Variants in LYN observed in about 807,000 individuals in gnomAD.
LYN encodes LYN proto-oncogene, Src family tyrosine kinase.
In LYN, 12 loss-of-function variants were observed where a neutral mutation model predicts 65.0. That is an observed-to-expected ratio of 0.18 (90% CI 0.12 to 0.30). The LOEUF (loss-of-function observed/expected upper bound fraction) is 0.30. Among genes scored for constraint, LYN ranks in the 10% least tolerant of loss-of-function variants. The pLI is 1.00. For missense variants in LYN, 380 were observed against 623.2 expected, an observed-to-expected ratio of 0.61 and a Z score of 4.16; for synonymous variants, 222 against 221.2, an observed-to-expected ratio of 1.00 and a Z score of -0.03.
chr8:55,974,829 T>G (rs889488301), intron 10 of LYN, among the ~76,000 whole-genome samples: 6 of 152,166 alleles, frequency 3.9e-5, no homozygotes, highest in Admixed American at 2.6e-4. Flanking sequence ...TCCTCATGTT[T>G]AGTTCACTCA....
intron 2 of LYN, among the ~76,000 whole-genome samples, chr8:55,943,090 T>C (rs886295629): frequency 2.0e-5 from 3 of 152,188 alleles, no homozygotes; most frequent in Non-Finnish European, 4.4e-5. Flanking sequence ...TCGGAAATAC[T>C]TGGCAAAGAA....
At chr8:55,994,811 T>G (rs563068828) in intron 10 of LYN, among the ~76,000 whole-genome samples, 1 of 152,194 alleles carries the variant, frequency 6.6e-6, no homozygotes, top group Non-Finnish European at 1.5e-5. Context: ...TACCATGGAG[T>G]GGAGCCGGGA....
chr8:55,979,806 G>T (rs1274841701), intron 10 of LYN, among the ~76,000 whole-genome samples: 1 of 152,212 alleles, frequency 6.6e-6, no homozygotes, highest in Non-Finnish European at 1.5e-5. Context: ...CCAAGCAGCA[G>T]CCTGACACCC....
intron 1 of LYN, among the ~76,000 whole-genome samples, chr8:55,908,318 C>T (rs1341391445): frequency 6.6e-6 from 1 of 151,768 alleles, no homozygotes; most frequent in African/African-American, 2.4e-5. Context: ...AATCTCGACT[C>T]ACTGCAACCT....
intron 1 of LYN, among the ~76,000 whole-genome samples, chr8:55,926,173 T>C (rs1806105527): frequency 6.6e-6 from 1 of 152,192 alleles, no homozygotes; most frequent in South Asian, 2.1e-4. Context: ...TCCTGAAGCC[T>C]CTCCCACGTA....
intron 1 of LYN, among the ~76,000 whole-genome samples, chr8:55,930,215 G>T (rs1806220944): frequency 6.6e-6 from 1 of 152,142 alleles, no homozygotes; most frequent in South Asian, 2.1e-4. Context: ...CTGATGATTT[G>T]CCATCTATAG....
intron 1 of LYN, among the ~76,000 whole-genome samples, chr8:55,910,928 G>A (rs1385322879): frequency 1.4e-5 from 2 of 139,308 alleles, no homozygotes; most frequent in Non-Finnish European, 3.1e-5. Context: ...ACAGAGTCTC[G>A]CTCTGACGCC....
chr8:55,940,376 T>A (rs1314032145), intron 1 of LYN: 1 of 152,138 alleles, frequency 6.6e-6, no homozygotes, highest in Non-Finnish European at 1.5e-5. Context: ...TTTTTTATTA[T>A]TTATTATTAT....
chr8:55,881,312 C>T (rs1259297422), intron 1 of LYN, among the ~76,000 whole-genome samples: 1 of 152,136 alleles, frequency 6.6e-6, no homozygotes, highest in South Asian at 2.1e-4. Flanking sequence ...CAAAGCAGGG[C>T]CCAGTAGTCT....
At chr8:55,933,234 T>C (rs1300005393) in intron 1 of LYN, among the ~76,000 whole-genome samples, 2 of 152,244 alleles carry the variant, frequency 1.3e-5, no homozygotes, top group Non-Finnish European at 2.9e-5. Flanking sequence ...TGACATTACG[T>C]AAATCTGAAA....
At chr8:55,888,042 G>C (rs1269899212) in intron 1 of LYN, among the ~76,000 whole-genome samples, 1 of 152,200 alleles carries the variant, frequency 6.6e-6, no homozygotes, top group African/African-American at 2.4e-5. Flanking sequence ...GGATATAATT[G>C]TAAGAGTCCT....
chr8:55,996,132 C>T (rs1808365538), intron 10 of LYN, among the ~76,000 whole-genome samples: 1 of 152,160 alleles, frequency 6.6e-6, no homozygotes, highest in African/African-American at 2.4e-5. Context: ...TAACATGACA[C>T]CACTGAGAGC....
chr8:55,910,990 G>A lies in LYN; in HGVS notation c.-5-30865G>A, dbSNP rs549920521. The stretch of plus-strand genomic sequence containing the variant: ...TGGCTCACTGCAACCTCCGCTTCCC[G>A]GGTTCAAGCGATTCTCCTGCCTCAG... On this transcript the variant is annotated intron_variant, in intron 1 of 12. Coordinates refer to ENST00000519728, the MANE Select transcript of LYN (RefSeq NM_002350.4). 2.3e-4 allele frequency among the ~76,000 whole-genome samples: 33 copies of A among 144,356 alleles called. 1 individual carries two copies. The South Asian group carries it at 5.3e-3, about 23-fold the overall frequency. The allele number at this position is 144,356 out of a possible 152,430, so 94.7% of individuals were successfully genotyped here. A position where few individuals can be genotyped will look rare whatever the true frequency, so the allele number is the denominator to read the frequency against.
At chr8:55,905,698 G>A (rs1023060441) in intron 1 of LYN, among the ~76,000 whole-genome samples, 1 of 152,120 alleles carries the variant, frequency 6.6e-6, no homozygotes, top group Non-Finnish European at 1.5e-5. Context: ...CTATGGGATG[G>A]GCAGGGGAGC....
At chr8:56,007,059 G>A (rs1808694418) in intron 12 of LYN, among the ~76,000 whole-genome samples, 1 of 152,126 alleles carries the variant, frequency 6.6e-6, no homozygotes, top group Non-Finnish European at 1.5e-5. Context: ...AGAACATACT[G>A]GAACCAGGAA....
Position 55,969,807 on chromosome 8 carries a change from A to G in LYN, c.1050+14A>G, listed in dbSNP as rs553682426. ...TTTTCTGCTCAGGTAACATATTCAA[A>G]AAGCCCCGTGTGCACGTGCATTTGC... On this transcript the variant is annotated intron_variant, in intron 10 of 12. Coordinates refer to ENST00000519728, the MANE Select transcript of LYN (RefSeq NM_002350.4). 6.2e-7 allele frequency: 1 copy of G among 1,613,014 alleles called. No homozygotes were observed. Among genetic ancestry groups the G allele is most frequent in the East Asian group, 2.2e-5 (1 of 44,876 alleles).
chr8:55,919,098 T>C (rs1332640272), intron 1 of LYN, among the ~76,000 whole-genome samples: 1 of 151,518 alleles, frequency 6.6e-6, no homozygotes, highest in Non-Finnish European at 1.5e-5. Flanking sequence ...TGTTGGTCTG[T>C]GTTACCAGGA....
rs200930377 is a variant in LYN, at chr8:56,001,757, T to TAA, written c.1336+2209_1336+2210dup. On this transcript the variant is annotated intron_variant, in intron 12 of 12. Coordinates refer to ENST00000519728, the MANE Select transcript of LYN (RefSeq NM_002350.4). ...AGATTATATAGTCAGATTATGTATA[T>TAA]AATCTGACACCTGATAAACATACAA... is the stretch of plus-strand genomic sequence containing the variant. Among the ~76,000 whole-genome samples, 30 of 152,306 alleles carry TAA rather than the reference T, an allele frequency of 2.0e-4. No individual in the cohort carries two copies. In the East Asian group the frequency reaches 5.6e-3, roughly 28 times the overall value.
intron 10 of LYN, among the ~76,000 whole-genome samples, chr8:55,995,408 G>A (rs1442054466): frequency 1.3e-5 from 2 of 152,204 alleles, no homozygotes; most frequent in Non-Finnish European, 1.5e-5. Flanking sequence ...AACCTGCCCT[G>A]TCCTTTTCCT....
Sources: allele counts gnomAD v4.1 joint callset (sites outside exome capture counted in the v4.1 genomes callset), GRCh38; gene constraint gnomAD v4.1.1; transcripts MANE v1.5; gene names NCBI Gene and HGNC (gene_info 2026-07-23, HGNC 2026-07-21).